The following RIN2 variants were observed in gnomAD, a reference collection of about 807,000 sequenced individuals.
RIN2 encodes RAB5 interacting protein 2.
Under a neutral mutation model 78.0 loss-of-function variants are expected in RIN2, and 36 were observed. The ratio of observed to expected loss-of-function variants is 0.46; its 90% CI spans 0.35 to 0.61. The LOEUF (loss-of-function observed/expected upper bound fraction) is 0.61, where lower values mean the gene tolerates loss of function less well. Ranked by LOEUF, RIN2 falls within the 20% of genes least tolerant of loss-of-function variation. RIN2 has a pLI of 0.00. For synonymous variants in RIN2, 466 were observed against 466.8 expected (o/e 1.00, Z 0.02); for missense variants, 1,087 against 1,159.7 (o/e 0.94, Z 0.91).
At chr20:19,864,243 A>G (rs1358949013) in intron 2 of RIN2, among the ~76,000 whole-genome samples, 2 of 152,170 alleles carry the variant, frequency 1.3e-5, no homozygotes, top group Non-Finnish European at 2.9e-5. Context: ...TTGCAGGGTC[A>G]TGTCCTCTTC....
rs1042975906 is a variant in RIN2, at chr20:20,002,236, G to A, written c.*1300G>A. On this transcript the variant is annotated 3_prime_UTR_variant, in exon 13 of 13. Coordinates refer to ENST00000255006, the MANE Select transcript of RIN2 (RefSeq NM_018993.4). ...AGGGTCTTGTATCCACGTAACACAG[G>A]TAGTTACAAAAACATGTTATTGTAC... 3 of 152,370 alleles carry A rather than the reference G, an allele frequency of 2.0e-5. No homozygotes were observed. The highest frequency in any genetic ancestry group is 4.4e-5 in the Non-Finnish European group (3 of 68,036). The allele number at this position is 152,370 out of a possible 1,614,324, so 9.4% of individuals were successfully genotyped here. A position where few individuals can be genotyped will look rare whatever the true frequency, so the allele number is the denominator to read the frequency against.
At chr20:19,916,221 A>G (rs532916045) in intron 3 of RIN2, among the ~76,000 whole-genome samples, 1 of 152,098 alleles carries the variant, frequency 6.6e-6, no homozygotes, top group Non-Finnish European at 1.5e-5. Flanking sequence ...GCCTGGTGAC[A>G]GAGTGAGACT....
intron 3 of RIN2, among the ~76,000 whole-genome samples, chr20:19,903,311 AG>A (rs1156361744): frequency 6.6e-6 from 1 of 151,972 alleles, no homozygotes; most frequent in Non-Finnish European, 1.5e-5. Flanking sequence ...GTGTCGAAAG[AG>A]GGGGCCATTT....
chr20:19,795,947 C>T (rs953799140), intron 1 of RIN2, among the ~76,000 whole-genome samples: 4 of 151,882 alleles, frequency 2.6e-5, no homozygotes, highest in African/African-American at 4.8e-5. Context: ...AAGGGCTGGG[C>T]GCAGTGGCTC....
At chr20:19,786,535 C>T (rs1287774196) in intron 1 of RIN2, among the ~76,000 whole-genome samples, 1 of 152,188 alleles carries the variant, frequency 6.6e-6, no homozygotes, top group Non-Finnish European at 1.5e-5. Flanking sequence ...GCTGCAACCA[C>T]ATTTGAGACT....
intron 3 of RIN2, among the ~76,000 whole-genome samples, chr20:19,909,017 G>T (rs1013654777): frequency 1.3e-5 from 2 of 152,088 alleles, no homozygotes; most frequent in Non-Finnish European, 2.9e-5. Flanking sequence ...GACGCCCACC[G>T]CCACTCCCAG....
At chr20:19,966,928 C>CACAT (rs749291333) in intron 7 of RIN2, among the ~76,000 whole-genome samples, 3 of 151,846 alleles carry the variant, frequency 2.0e-5, no homozygotes, top group African/African-American at 4.8e-5. Flanking sequence ...CACACACACA[C>CACAT]ATATATACAC....
chr20:19,938,379 C>A (rs1256521741), intron 4 of RIN2, among the ~76,000 whole-genome samples: 2 of 151,756 alleles, frequency 1.3e-5, no homozygotes, highest in African/African-American at 4.9e-5. Flanking sequence ...CCACCACACC[C>A]AGCTAATTTT....
chr20:19,990,264 T>C lies in RIN2; in HGVS notation c.2021T>C (p.Leu674Pro). ...MYSPEKKVMLLLRVCKLIYTV... is the reference protein window; with the variant it reads ...MYSPEKKVMLPLRVCKLIYTV... The stretch of plus-strand genomic sequence containing the variant: ...TCGCCGGAAAAGAAGGTCATGCTGC[T>C]GCTGCGGGTCTGCAAGCTCATTTAC... The change falls in exon 10 of 13, where the codon CTG becomes CCG. Residue 674 changes from leucine to proline, a missense_variant. Leu to Pro is a moderately conservative substitution (Grantham distance 98, BLOSUM62 -3). Around this residue, in one of 8 missense-constraint regions of RIN2, gnomAD observed 97 missense variants for 104.8 expected, o/e 0.93. Coordinates refer to ENST00000255006, the MANE Select transcript of RIN2 (RefSeq NM_018993.4). 6.2e-7 allele frequency: 1 copy of C among 1,613,792 alleles called. No individual in the cohort carries two copies. Among genetic ancestry groups the C allele is most frequent in the Non-Finnish European group, 8.5e-7 (1 of 1,179,842 alleles).
intron 7 of RIN2, 22 bp from the exon 8 acceptor site, chr20:19,970,814 TTC>T (rs758116212): frequency 1.2e-4 from 189 of 1,548,944 alleles, no homozygotes; most frequent in Non-Finnish European, 1.6e-4. Flanking sequence ...ATTACAAACA[TTC>T]TCTCTTTTTC....
chr20:19,802,487 A>T (rs2035272250), intron 2 of RIN2, among the ~76,000 whole-genome samples: 1 of 150,576 alleles, frequency 6.6e-6, no homozygotes, highest in African/African-American at 2.4e-5. Flanking sequence ...AAAAAAAAAA[A>T]AGTATACCTA....
chr20:19,960,816 G>C lies in RIN2; in HGVS notation c.463+5G>C. 6.4e-7 allele frequency: 1 copy of C among 1,556,588 alleles called. No homozygotes were observed. The highest frequency in any genetic ancestry group is 1.8e-5 in the Admixed American group (1 of 55,124). ...CCATAAAGGAAAGCACATACAGTAA[G>C]TGGTCATTGGATGCTCAGGTCCTGA... On this transcript the variant is annotated splice_donor_5th_base_variant and intron_variant, in intron 6 of 12. Coordinates refer to ENST00000255006, the MANE Select transcript of RIN2 (RefSeq NM_018993.4).
intron 9 of RIN2, among the ~76,000 whole-genome samples, chr20:19,978,837 C>CAA (rs1296586214): frequency 6.6e-6 from 1 of 152,204 alleles, no homozygotes; most frequent in African/African-American, 2.4e-5. Flanking sequence ...GAAGAACAGA[C>CAA]AAATGCTTTA....
chr20:19,929,198 C>T (rs1239443976), intron 3 of RIN2, among the ~76,000 whole-genome samples: 1 of 152,194 alleles, frequency 6.6e-6, no homozygotes, highest in Non-Finnish European at 1.5e-5. Context: ...CACTCACCAG[C>T]TTTGCAGATG....
At chr20:19,987,488 G>A (rs976931652) in intron 9 of RIN2, among the ~76,000 whole-genome samples, 11 of 152,210 alleles carry the variant, frequency 7.2e-5, no homozygotes, top group African/African-American at 2.2e-4. Context: ...AAATAGTTGT[G>A]TGGCTTCTAT....
At chr20:19,875,518 G>A (rs528492906) in intron 2 of RIN2, among the ~76,000 whole-genome samples, 1 of 152,296 alleles carries the variant, frequency 6.6e-6, no homozygotes, top group Non-Finnish European at 1.5e-5. Flanking sequence ...TTGCACACCT[G>A]TAGTCCCAAA....
At chr20:19,773,039 G>A (rs2034189471) in intron 1 of RIN2, among the ~76,000 whole-genome samples, 1 of 152,216 alleles carries the variant, frequency 6.6e-6, no homozygotes, top group South Asian at 2.1e-4. Context: ...GAGTCCAGAA[G>A]TCTGAAATCA....
At chr20:19,885,620 G>T (rs1038584919) in intron 2 of RIN2, among the ~76,000 whole-genome samples, 3 of 151,902 alleles carry the variant, frequency 2.0e-5, no homozygotes, top group African/African-American at 7.3e-5. Flanking sequence ...GAGCTGAGAT[G>T]GTGCCACTGC....
chr20:19,946,891 C>T (rs981854079), intron 4 of RIN2, among the ~76,000 whole-genome samples: 12 of 151,510 alleles, frequency 7.9e-5, no homozygotes, highest in African/African-American at 1.2e-4. Context: ...ATTAGCTGGA[C>T]GTGGTGGCGC....
Sources: allele counts gnomAD v4.1 joint callset (sites outside exome capture counted in the v4.1 genomes callset), GRCh38; gene constraint gnomAD v4.1.1; regional missense constraint gnomAD v4.1.1; transcripts MANE v1.5; gene names NCBI Gene and HGNC (gene_info 2026-07-23, HGNC 2026-07-21).